The following NDST4 variants were observed in gnomAD, a reference collection of about 807,000 sequenced individuals.
The protein encoded by NDST4 is N-deacetylase and N-sulfotransferase 4.
A neutral mutation model predicts 100.8 loss-of-function variants in NDST4; 63 were observed. The observed-to-expected ratio is 0.62, with a 90% CI of 0.51 to 0.77. The LOEUF (loss-of-function observed/expected upper bound fraction) is 0.77, where lower values mean the gene tolerates loss of function less well. Ranked by LOEUF, NDST4 falls within the 30% of genes least tolerant of loss-of-function variation. NDST4 has a pLI of 0.00. For missense variants in NDST4, 943 were observed against 1,018.4 expected, an observed-to-expected ratio of 0.93 and a Z score of 1.01; for synonymous variants, 377 against 361.8, an observed-to-expected ratio of 1.04 and a Z score of -0.48.
chr4:114,999,385 C>T (rs1156824432), intron 2 of NDST4, among the ~76,000 whole-genome samples: 1 of 152,064 alleles, frequency 6.6e-6, no homozygotes, highest in Non-Finnish European at 1.5e-5. Context: ...GAAACTAATA[C>T]TCATATCTAC....
At chr4:114,904,190 A>G (rs1217272482) in intron 6 of NDST4, among the ~76,000 whole-genome samples, 1 of 151,986 alleles carries the variant, frequency 6.6e-6, no homozygotes, top group Non-Finnish European at 1.5e-5. Context: ...AGTATTTTTG[A>G]CCATGAAATA....
At chr4:114,838,576 C>T (rs976777460) in intron 11 of NDST4, among the ~76,000 whole-genome samples, 1 of 152,080 alleles carries the variant, frequency 6.6e-6, no homozygotes, top group African/African-American at 2.4e-5. Context: ...GAACAGAAAA[C>T]CAAATTCCGC....
At chr4:115,027,288 G>T (rs1728007375) in intron 2 of NDST4, among the ~76,000 whole-genome samples, 1 of 152,070 alleles carries the variant, frequency 6.6e-6, no homozygotes, top group Non-Finnish European at 1.5e-5. Flanking sequence ...CGTCTGGGAT[G>T]GAAGACAGAA....
At chr4:115,004,528 G>T (rs1038061018) in intron 2 of NDST4, among the ~76,000 whole-genome samples, 1 of 152,122 alleles carries the variant, frequency 6.6e-6, no homozygotes, top group Non-Finnish European at 1.5e-5. Flanking sequence ...TTTCTGAGCT[G>T]CGGCTGAGAA....
At chr4:114,985,104 A>G (rs530124360) in intron 2 of NDST4, among the ~76,000 whole-genome samples, 12 of 152,348 alleles carry the variant, frequency 7.9e-5, no homozygotes, top group African/African-American at 2.6e-4. Context: ...GCTTCTGATG[A>G]CAATACTGAA....
chr4:114,895,136 CAG>C (rs1724685337), intron 6 of NDST4, among the ~76,000 whole-genome samples: 1 of 151,736 alleles, frequency 6.6e-6, no homozygotes, highest in Non-Finnish European at 1.5e-5. Flanking sequence ...TAACTAAGAT[CAG>C]AGAAGAATTA....
chr4:114,919,475 A>T (rs1199499685), intron 6 of NDST4, among the ~76,000 whole-genome samples: 1 of 152,196 alleles, frequency 6.6e-6, no homozygotes, highest in Non-Finnish European at 1.5e-5. Context: ...GAAGCAACTT[A>T]TTTCAAGAAA....
At chr4:114,833,170 T>A (rs72906927) in intron 12 of NDST4, among the ~76,000 whole-genome samples, 3,038 of 152,324 alleles carry the variant, frequency 0.02, 116 homozygotes, top group African/African-American at 0.07. Context: ...TATTTGGTTA[T>A]AAATAATTTA....
intron 10 of NDST4, among the ~76,000 whole-genome samples, chr4:114,841,666 A>G (rs1390242700): frequency 6.6e-6 from 1 of 152,212 alleles, no homozygotes; most frequent in Non-Finnish European, 1.5e-5. Context: ...GCTTAAATTT[A>G]TAACTTTAAG....
chr4:114,907,224 C>T (rs1252747685), intron 6 of NDST4, among the ~76,000 whole-genome samples: 3 of 151,368 alleles, frequency 2.0e-5, no homozygotes, highest in African/African-American at 7.4e-5. Context: ...CATGCTTGTC[C>T]TTGGATTCAC....
In NDST4 at chr4:114,935,262, C is replaced by T. The variant is rs758108701; in HGVS notation, c.1480G>A (p.Glu494Lys). 7.4e-6 allele frequency: 12 copies of T among 1,610,788 alleles called. No individual in the cohort carries two copies. The highest frequency in any genetic ancestry group is 2.5e-6 in the Non-Finnish European group (3 of 1,178,548). Residue 494 changes from glutamate (E) to lysine (K), a missense_variant, in exon 6 of 14, where the codon GAA (glutamate) becomes AAA (lysine). Glu to Lys is a moderately conservative substitution (Grantham distance 56). Transcript: ENST00000264363. ...CCTCCTCTGATACTTTTATCCAGTT[C>T]TTGGGGTCCTCCTGGATATTCTTTG... ...FYKEYPGGPQELDKSIRGGEL... is the reference protein window; with the variant it reads ...FYKEYPGGPQKLDKSIRGGEL...
At chr4:114,977,776 A>G (rs1484610329) in intron 2 of NDST4, among the ~76,000 whole-genome samples, 1 of 151,950 alleles carries the variant, frequency 6.6e-6, no homozygotes, top group East Asian at 1.9e-4. Flanking sequence ...TACCTTACAA[A>G]CTACAGAGCA....
chr4:114,885,755 TATTTTA>T (rs1724464643), intron 6 of NDST4, among the ~76,000 whole-genome samples: 1 of 152,130 alleles, frequency 6.6e-6, no homozygotes, highest in South Asian at 2.1e-4. Context: ...CTGCTTACTG[TATTTTA>T]ATTAATTAAT....
chr4:114,910,577 TTC>T (rs1293647259), intron 6 of NDST4, among the ~76,000 whole-genome samples: 1 of 152,240 alleles, frequency 6.6e-6, no homozygotes, highest in Non-Finnish European at 1.5e-5. Context: ...TTGAAATGTG[TTC>T]TTTTTCTCTG....
chr4:115,112,058 C>A (rs899149027), intron 1 of NDST4, among the ~76,000 whole-genome samples: 1 of 151,334 alleles, frequency 6.6e-6, no homozygotes, highest in East Asian at 1.9e-4. Context: ...ACTTTATATT[C>A]TTTACATAAA....
intron 6 of NDST4, among the ~76,000 whole-genome samples, chr4:114,878,102 G>C (rs1473756479): frequency 1.3e-5 from 2 of 151,778 alleles, no homozygotes; most frequent in African/African-American, 4.8e-5. Flanking sequence ...ATCTCACCAT[G>C]TGTAGGTCAG....
chr4:115,112,093 A>G (rs1248927922), intron 1 of NDST4, among the ~76,000 whole-genome samples: 1 of 151,426 alleles, frequency 6.6e-6, no homozygotes, highest in African/African-American at 2.4e-5. Context: ...ACACACACAC[A>G]CGCACACACT....
At chr4:114,985,787 G>A (rs564303123) in intron 2 of NDST4, among the ~76,000 whole-genome samples, 3 of 152,096 alleles carry the variant, frequency 2.0e-5, no homozygotes, top group Non-Finnish European at 2.9e-5. Flanking sequence ...CAGTATCTAC[G>A]TTTCAACAAG....
chr4:114,903,248 G>A (rs1237374888), intron 6 of NDST4, among the ~76,000 whole-genome samples: 1 of 151,978 alleles, frequency 6.6e-6, no homozygotes, highest in East Asian at 1.9e-4. Context: ...ATTTTCTCTC[G>A]AGGACAGAAC....
Sources: allele counts gnomAD v4.1 joint callset (sites outside exome capture counted in the v4.1 genomes callset), GRCh38; gene constraint gnomAD v4.1.1; transcripts MANE v1.5; gene names NCBI Gene and HGNC (gene_info 2026-07-23, HGNC 2026-07-21).